Variants in SLC49A4 observed in about 807,000 individuals in gnomAD.
SLC49A4 encodes disrupted in renal cancer protein 2.
Under a neutral mutation model 50.6 loss-of-function variants are expected in SLC49A4, and 36 were observed. That is an observed-to-expected ratio of 0.71 (90% CI 0.55 to 0.94). The LOEUF is 0.94. Among genes scored for constraint, SLC49A4 ranks in the 40% least tolerant of loss-of-function variants. The probability of loss-of-function intolerance (pLI) is 0.00; values close to 1 mark genes in which losing one functional copy is unlikely to be tolerated. For missense variants in SLC49A4, 503 were observed against 605.7 expected, an observed-to-expected ratio of 0.83 and a Z score of 1.78; for synonymous variants, 248 against 241.2, an observed-to-expected ratio of 1.03 and a Z score of -0.26.
At chr3:122,804,864 T>C (rs911743701) in intron 1 of SLC49A4, among the ~76,000 whole-genome samples, 10 of 152,242 alleles carry the variant, frequency 6.6e-5, no homozygotes, top group Admixed American at 6.5e-4. Flanking sequence ...GTTAAATATT[T>C]GATAAAAAGC....
At chr3:122,869,229 C>T in intron 7 of SLC49A4, among the ~76,000 whole-genome samples, 1 of 152,094 alleles carries the variant, frequency 6.6e-6, no homozygotes, top group East Asian at 1.9e-4. Context: ...TGTGACCCCC[C>T]CCAGTTTTCC....
chr3:122,799,752 G>A (rs987194241), intron 1 of SLC49A4, among the ~76,000 whole-genome samples: 4 of 152,220 alleles, frequency 2.6e-5, no homozygotes, highest in African/African-American at 9.6e-5. Flanking sequence ...AGTAGTGGAG[G>A]ATTTGAGAAG....
intron 5 of SLC49A4, among the ~76,000 whole-genome samples, chr3:122,852,716 C>T (rs1422682852): frequency 6.6e-6 from 1 of 152,126 alleles, no homozygotes; most frequent in African/African-American, 2.4e-5. Flanking sequence ...AGTTAAAACC[C>T]GGGGTTTTTA....
At chr3:122,873,945 A>T (rs79169002) in intron 8 of SLC49A4, among the ~76,000 whole-genome samples, 1,615 of 152,336 alleles carry the variant, frequency 0.011, 29 homozygotes, top group African/African-American at 0.037. Context: ...TGGTAGAAGC[A>T]GTTTTCCAGC....
intron 1 of SLC49A4, among the ~76,000 whole-genome samples, chr3:122,800,806 A>G (rs1467696629): frequency 6.6e-6 from 1 of 152,228 alleles, no homozygotes; most frequent in African/African-American, 2.4e-5. Context: ...CAGAAAAATA[A>G]GAAACAAAAT....
At chr3:122,835,589 G>A (rs909127424) in intron 4 of SLC49A4, among the ~76,000 whole-genome samples, 11 of 151,670 alleles carry the variant, frequency 7.3e-5, no homozygotes, top group African/African-American at 2.4e-4. Flanking sequence ...CAACAAACTA[G>A]GCATAGAAGG....
chr3:122,844,298 C>A (rs1382889340), intron 4 of SLC49A4, among the ~76,000 whole-genome samples: 1 of 152,118 alleles, frequency 6.6e-6, no homozygotes, highest in Non-Finnish European at 1.5e-5. Flanking sequence ...ATCTTGAACT[C>A]CTGGCCTCAA....
chr3:122,826,515 G>C (rs1479105799), intron 2 of SLC49A4, among the ~76,000 whole-genome samples: 6 of 152,134 alleles, frequency 3.9e-5, no homozygotes, highest in Non-Finnish European at 8.8e-5. Context: ...AAGGTTCTAA[G>C]TACTTACAGG....
At chr3:122,878,917 G>A (rs749852500) in intron 8 of SLC49A4, among the ~76,000 whole-genome samples, 5 of 152,304 alleles carry the variant, frequency 3.3e-5, no homozygotes, top group Non-Finnish European at 5.9e-5. Context: ...CAAGAGTGAT[G>A]ATGATAGAGG....
In SLC49A4 at chr3:122,826,861, C is replaced by T; in HGVS notation, c.499C>T (p.Pro167Ser). 3 of 1,614,114 alleles carry T rather than the reference C, an allele frequency of 1.9e-6. No individual in the cohort carries two copies. The highest frequency in any genetic ancestry group is 2.5e-6 in the Non-Finnish European group (3 of 1,179,982). ...LAGPTVMNAA[P>S]FLSTTWFSAD... ...AGGTCCAACTGTAATGAATGCAGCACCATTTCTCTCTACGACGTGGTTTTC... is the reference window on the plus strand; with the variant it reads ...AGGTCCAACTGTAATGAATGCAGCATCATTTCTCTCTACGACGTGGTTTTC... The change falls in exon 3 of 9, where the codon CCA becomes TCA. Residue 167 changes from proline (P) to serine (S), a missense_variant. Transcript: ENST00000261038.
chr3:122,869,923 T>A (rs549669586), intron 7 of SLC49A4, among the ~76,000 whole-genome samples: 1 of 152,308 alleles, frequency 6.6e-6, no homozygotes, highest in Non-Finnish European at 1.5e-5. Context: ...GCCTCTTTCT[T>A]TGTACCATGC....
intron 1 of SLC49A4, 88 bp downstream of exon 1, chr3:122,795,623 TG>T (rs1252559414): frequency 6.7e-7 from 1 of 1,493,642 alleles, no homozygotes; most frequent in Non-Finnish European, 8.8e-7. Flanking sequence ...CCGCCTCCCT[TG>T]GCCCCGGCAT....
intron 4 of SLC49A4, among the ~76,000 whole-genome samples, chr3:122,837,511 T>C (rs1576301437): frequency 1.3e-5 from 2 of 152,140 alleles, no homozygotes; most frequent in South Asian, 2.1e-4. Flanking sequence ...TAGCCATATG[T>C]AGAAAGCTGA....
At chr3:122,813,789 T>A (rs567870612) in intron 2 of SLC49A4, among the ~76,000 whole-genome samples, 14 of 152,312 alleles carry the variant, frequency 9.2e-5, no homozygotes, top group African/African-American at 3.4e-4. Context: ...ATCAGGATTA[T>A]TTGAAAAATC....
intron 8 of SLC49A4, among the ~76,000 whole-genome samples, chr3:122,875,742 C>A (rs910352746): frequency 2.0e-5 from 3 of 152,100 alleles, no homozygotes; most frequent in Non-Finnish European, 4.4e-5. Context: ...AGGGTTTTTC[C>A]CCCTACAGTG....
chr3:122,813,139 A>G (rs1040355155), intron 2 of SLC49A4, among the ~76,000 whole-genome samples: 37 of 151,588 alleles, frequency 2.4e-4, no homozygotes, highest in African/African-American at 8.7e-4. Flanking sequence ...AATCCCAGCT[A>G]CTCGGGAGGC....
intron 4 of SLC49A4, among the ~76,000 whole-genome samples, chr3:122,842,302 C>T (rs368317983): frequency 6.6e-6 from 1 of 151,588 alleles, no homozygotes; most frequent in Non-Finnish European, 1.5e-5. Context: ...CTGGCTAACA[C>T]GGTGAAACCC....
intron 4 of SLC49A4, among the ~76,000 whole-genome samples, chr3:122,842,920 T>C (rs1393987934): frequency 6.6e-6 from 1 of 152,222 alleles, no homozygotes; most frequent in Non-Finnish European, 1.5e-5. Context: ...CCTACCAGTG[T>C]AATTACCCCC....
chr3:122,872,110 C>G (rs1004329775), intron 7 of SLC49A4, among the ~76,000 whole-genome samples: 26 of 152,014 alleles, frequency 1.7e-4, no homozygotes, highest in Non-Finnish European at 3.2e-4. Flanking sequence ...GGAATGTGAC[C>G]AAGCAGGAGA....
Sources: gnomAD v4.1 joint callset for allele counts (sites outside exome capture counted in the v4.1 genomes callset) on GRCh38, gnomAD v4.1.1 for gene constraint, MANE v1.5 for transcripts, NCBI Gene and HGNC (gene_info 2026-07-23, HGNC 2026-07-21) for gene names.